CDH12: variants seen among roughly 807,000 people sequenced by gnomAD.
CDH12 encodes cadherin-12.
Under a neutral mutation model 74.1 loss-of-function variants are expected in CDH12, and 41 were observed. That is an observed-to-expected ratio of 0.55 (90% CI 0.43 to 0.72). The LOEUF is 0.72. CDH12 is among the 30% of genes least tolerant of loss of function. The pLI is 0.00. For missense variants in CDH12, 945 were observed against 977.2 expected, an observed-to-expected ratio of 0.97 and a Z score of 0.44; for synonymous variants, 399 against 355.0, an observed-to-expected ratio of 1.12 and a Z score of -1.39.
chr5:22,675,269 C>T (rs776601342), intron 1 of CDH12, among the ~76,000 whole-genome samples: 23 of 152,092 alleles, frequency 1.5e-4, no homozygotes, highest in Non-Finnish European at 2.9e-4. Flanking sequence ...AAAGGGCCAA[C>T]GTATAGAGCT....
At chr5:22,070,619 G>T (rs569652729) in intron 5 of CDH12, among the ~76,000 whole-genome samples, 2 of 152,124 alleles carry the variant, frequency 1.3e-5, no homozygotes, top group African/African-American at 4.8e-5. Context: ...CAGGTCATCC[G>T]ATTAGAGGCC....
At chr5:22,632,370 TTAAG>T (rs1738630011) in intron 1 of CDH12, among the ~76,000 whole-genome samples, 1 of 151,838 alleles carries the variant, frequency 6.6e-6, no homozygotes, top group African/African-American at 2.4e-5. Context: ...TACAAATAAA[TTAAG>T]TAATTAAAAA....
chr5:21,824,633 C>T (rs963683838), intron 8 of CDH12, among the ~76,000 whole-genome samples: 5 of 152,052 alleles, frequency 3.3e-5, no homozygotes, highest in African/African-American at 4.8e-5. Context: ...CAGCATGAGA[C>T]GCATATCATT....
chr5:22,698,009 C>A (rs1217685700), intron 1 of CDH12, among the ~76,000 whole-genome samples: 1 of 151,752 alleles, frequency 6.6e-6, no homozygotes, highest in Non-Finnish European at 1.5e-5. Context: ...TGAAAGTCAC[C>A]TATCCTGAGG....
intron 3 of CDH12, among the ~76,000 whole-genome samples, chr5:22,283,428 C>A (rs901478072): frequency 1.3e-5 from 2 of 151,044 alleles, no homozygotes; most frequent in African/African-American, 4.9e-5. Flanking sequence ...CAAATAAATA[C>A]TATTTAGACT....
chr5:22,419,563 G>T (rs1047473137), intron 2 of CDH12, among the ~76,000 whole-genome samples: 30 of 152,210 alleles, frequency 2.0e-4, no homozygotes, highest in East Asian at 7.7e-4. Flanking sequence ...ATGGGCTTTT[G>T]GATTGAATCC....
intron 1 of CDH12, among the ~76,000 whole-genome samples, chr5:22,608,563 T>C (rs552221329): frequency 6.6e-5 from 10 of 152,292 alleles, no homozygotes; most frequent in African/African-American, 2.4e-4. Flanking sequence ...AAGGGCATGA[T>C]TGTGTTTTGA....
chr5:22,080,612 T>C (rs1009319771), intron 4 of CDH12, among the ~76,000 whole-genome samples: 1 of 152,160 alleles, frequency 6.6e-6, no homozygotes, highest in Non-Finnish European at 1.5e-5. Flanking sequence ...AGTTAAAAAT[T>C]GGCAATTTGG....
chr5:22,453,380 C>T (rs562475329), intron 2 of CDH12, among the ~76,000 whole-genome samples: 51 of 152,184 alleles, frequency 3.4e-4, no homozygotes, highest in African/African-American at 1.0e-3. Context: ...TGTATGTATA[C>T]GCACAATGGA....
chr5:22,215,343 A>G (rs1161986364), intron 3 of CDH12, among the ~76,000 whole-genome samples: 1 of 152,170 alleles, frequency 6.6e-6, no homozygotes, highest in East Asian at 1.9e-4. Flanking sequence ...TATGATTAAC[A>G]AAAATCATTT....
chr5:22,149,211 C>T (rs1419810259), intron 4 of CDH12, among the ~76,000 whole-genome samples: 1 of 152,042 alleles, frequency 6.6e-6, no homozygotes, highest in African/African-American at 2.4e-5. Context: ...CTCAAAAGAC[C>T]CTATTTCTAA....
intron 4 of CDH12, among the ~76,000 whole-genome samples, chr5:22,147,997 C>A (rs529453186): frequency 4.6e-5 from 7 of 152,282 alleles, no homozygotes; most frequent in Admixed American, 3.9e-4. Context: ...TAACTCACAC[C>A]AGTGGTTTCC....
At chr5:22,769,616 A>G (rs1264735647) in intron 1 of CDH12, among the ~76,000 whole-genome samples, 1 of 151,894 alleles carries the variant, frequency 6.6e-6, no homozygotes, top group Non-Finnish European at 1.5e-5. Context: ...CTTCATATAT[A>G]CATCTATCCT....
chr5:22,165,120 G>A (rs189344741), intron 4 of CDH12, among the ~76,000 whole-genome samples: 65 of 151,926 alleles, frequency 4.3e-4, no homozygotes, highest in Non-Finnish European at 7.6e-4. Context: ...AGCCAAAGGG[G>A]CTGGTTAAAA....
At chr5:22,629,729 T>C (rs1032760387) in intron 1 of CDH12, among the ~76,000 whole-genome samples, 1 of 151,964 alleles carries the variant, frequency 6.6e-6, no homozygotes, top group Non-Finnish European at 1.5e-5. Flanking sequence ...CTTACTACTA[T>C]TGTTTAATGT....
intron 2 of CDH12, among the ~76,000 whole-genome samples, chr5:22,497,252 C>G: frequency 6.6e-6 from 1 of 152,228 alleles, no homozygotes. Context: ...ATCAAATTTC[C>G]TAGTCAACAT....
At chr5:22,786,652 TG>T (rs905119964) in intron 1 of CDH12, among the ~76,000 whole-genome samples, 1 of 152,112 alleles carries the variant, frequency 6.6e-6, no homozygotes, top group Non-Finnish European at 1.5e-5. Context: ...ATTTGTGTAA[TG>T]GGGAAGGGGG....
At chr5:22,739,862 T>G (rs1744933293) in intron 1 of CDH12, among the ~76,000 whole-genome samples, 1 of 152,104 alleles carries the variant, frequency 6.6e-6, no homozygotes, top group East Asian at 1.9e-4. Flanking sequence ...ACTTGCTTTG[T>G]GACCTTAAGT....
chr5:22,823,290 G>A (rs958257953), intron 1 of CDH12, among the ~76,000 whole-genome samples: 3 of 151,654 alleles, frequency 2.0e-5, no homozygotes, highest in African/African-American at 4.9e-5. Context: ...GCTAAATGAC[G>A]AGTTAATGGG....
Sources: gnomAD v4.1 joint callset for allele counts (sites outside exome capture counted in the v4.1 genomes callset) on GRCh38, gnomAD v4.1.1 for gene constraint, MANE v1.5 for transcripts, NCBI Gene and HGNC (gene_info 2026-07-23, HGNC 2026-07-21) for gene names.